Variants in ZPLD1 observed in about 807,000 individuals in gnomAD.
ZPLD1 encodes the protein zona pellucida like domain containing 1, also known as zona pellucida-like domain-containing protein 1.
A neutral mutation model predicts 47.2 loss-of-function variants in ZPLD1; 34 were observed. The observed-to-expected ratio is 0.72, with a 90% CI of 0.55 to 0.96. The LOEUF (loss-of-function observed/expected upper bound fraction) is 0.96. Among genes scored for constraint, ZPLD1 ranks in the 40% least tolerant of loss-of-function variants. The probability of loss-of-function intolerance (pLI) is 0.00; values close to 1 mark genes in which losing one functional copy is unlikely to be tolerated. For synonymous variants in ZPLD1, 176 were observed against 186.2 expected (o/e 0.95, Z 0.45); for missense variants, 512 against 505.8 (o/e 1.01, Z -0.12).
intron 8 of ZPLD1, among the ~76,000 whole-genome samples, chr3:102,467,517 G>A (rs984980056): frequency 6.6e-5 from 10 of 152,062 alleles, no homozygotes; most frequent in Non-Finnish European, 5.9e-5. Context: ...CTGAGAAATA[G>A]ATCCCCAAAC....
At chr3:102,460,597 A>C (rs1370662479) in intron 6 of ZPLD1, among the ~76,000 whole-genome samples, 5 of 151,918 alleles carry the variant, frequency 3.3e-5, no homozygotes, top group Non-Finnish European at 4.4e-5. Flanking sequence ...AGGTTATTAT[A>C]ATTATGAACA....
At chr3:102,396,865 A>G (rs1393097043) in intron 7 of ZPLD1, among the ~76,000 whole-genome samples, 1 of 152,164 alleles carries the variant, frequency 6.6e-6, no homozygotes, top group Non-Finnish European at 1.5e-5. Context: ...GTGGTTAAAA[A>G]TATGTACTCA....
intron 4 of ZPLD1, 86 bp downstream of exon 4, chr3:102,453,225 A>C: frequency 8.3e-7 from 1 of 1,209,664 alleles, no homozygotes; most frequent in South Asian, 1.4e-5. Flanking sequence ...TGCCCAATCT[A>C]TCTCTTGAGA....
intron 3 of ZPLD1, among the ~76,000 whole-genome samples, chr3:102,443,608 A>G (rs1707213015): frequency 6.6e-6 from 1 of 152,178 alleles, no homozygotes; most frequent in South Asian, 2.1e-4. Context: ...TTGACTAAGG[A>G]AATCTTTTAT....
At chr3:102,465,499 A>G (rs1321887785) in intron 8 of ZPLD1, among the ~76,000 whole-genome samples, 2 of 152,130 alleles carry the variant, frequency 1.3e-5, no homozygotes, top group Non-Finnish European at 2.9e-5. Context: ...AACTTCATTT[A>G]TATAACAGAA....
chr3:102,447,409 C>T (rs9841476), intron 3 of ZPLD1, among the ~76,000 whole-genome samples: 8,477 of 152,132 alleles, frequency 0.056, 808 homozygotes, highest in African/African-American at 0.19. Context: ...TCCAGAATTT[C>T]GTTTCATACA....
intron 3 of ZPLD1, among the ~76,000 whole-genome samples, chr3:102,441,205 T>C (rs1431261120): frequency 6.6e-6 from 1 of 152,096 alleles, no homozygotes; most frequent in African/African-American, 2.4e-5. Flanking sequence ...TATATACTTG[T>C]AAAGGTGAAT....
At chr3:102,416,084 C>T (rs1706801067) in intron 7 of ZPLD1, among the ~76,000 whole-genome samples, 2 of 151,900 alleles carry the variant, frequency 1.3e-5, no homozygotes, top group African/African-American at 2.4e-5. Context: ...AGTCACCCAG[C>T]TTGTAAGACA....
chr3:102,474,825 T>C (rs1273473234), intron 10 of ZPLD1, among the ~76,000 whole-genome samples: 1 of 152,182 alleles, frequency 6.6e-6, no homozygotes, highest in African/African-American at 2.4e-5. Context: ...AAGTTTGGTA[T>C]TCCAATCAGT....
chr3:102,418,673 A>T (rs1371985725), intron 8 of ZPLD1, among the ~76,000 whole-genome samples: 1 of 151,974 alleles, frequency 6.6e-6, no homozygotes, highest in African/African-American at 2.4e-5. Context: ...AACAGTGTAT[A>T]TTTTAGATTT....
rs1182705851 is a variant in ZPLD1, at chr3:102,425,263, G to C, written c.-9+7056G>C. On this transcript the variant is annotated intron_variant, in intron 8 of 17. Transcript: ENST00000491959. ...GTGACATCTTTTGTATAAGTCTTTGGGTAGAGACAGTTTTGCCATGATGAA... is the reference window on the plus strand; with the variant it reads ...GTGACATCTTTTGTATAAGTCTTTGCGTAGAGACAGTTTTGCCATGATGAA... 2.0e-5 allele frequency among the ~76,000 whole-genome samples: 3 copies of C among 151,828 alleles called. No individual in the cohort carries two copies. The East Asian group carries it at 5.8e-4, about 29-fold the overall frequency.
chr3:102,428,691 C>T (rs561737679), intron 8 of ZPLD1, among the ~76,000 whole-genome samples: 1 of 150,088 alleles, frequency 6.7e-6, no homozygotes, highest in Non-Finnish European at 1.5e-5. Flanking sequence ...TAAATTTGTT[C>T]AATCTTAGGT....
intron 6 of ZPLD1, among the ~76,000 whole-genome samples, chr3:102,460,429 T>G (rs1199309229): frequency 2.6e-5 from 4 of 152,026 alleles, no homozygotes; most frequent in Non-Finnish European, 5.9e-5. Flanking sequence ...TTTTCATATA[T>G]GCAGATTACC....
intron 10 of ZPLD1, among the ~76,000 whole-genome samples, chr3:102,472,731 A>G (rs1213079943): frequency 1.3e-5 from 2 of 152,340 alleles, no homozygotes; most frequent in Admixed American, 6.5e-5. Flanking sequence ...GTTTGCTATA[A>G]GAAAAGAACT....
intron 8 of ZPLD1, among the ~76,000 whole-genome samples, chr3:102,465,682 T>G (rs895447959): frequency 6.6e-6 from 1 of 152,188 alleles, no homozygotes. Flanking sequence ...AGCTTAGTTC[T>G]GAATCTTTTC....
intron 3 of ZPLD1, among the ~76,000 whole-genome samples, chr3:102,444,740 C>T (rs903432341): frequency 2.6e-5 from 4 of 152,170 alleles, no homozygotes; most frequent in African/African-American, 9.7e-5. Flanking sequence ...TGCCACAAAG[C>T]ACTCTGCAGC....
intron 7 of ZPLD1, among the ~76,000 whole-genome samples, chr3:102,395,409 G>A (rs1341147765): frequency 3.3e-5 from 5 of 152,110 alleles, no homozygotes; most frequent in Admixed American, 1.3e-4. Context: ...GAATCAGAGA[G>A]GATACCTGAT....
rs188650266 is a variant in ZPLD1, at chr3:102,448,212, A to G, written c.107-4707A>G. 5.4e-4 allele frequency among the ~76,000 whole-genome samples: 82 copies of G among 152,248 alleles called. No homozygotes were observed. In the East Asian group the frequency reaches 0.011, roughly 20 times the overall value. The stretch of plus-strand genomic sequence containing the variant: ...GTTTTGGCAATGTAACTGCACATAA[A>G]CTCTGTCTGCAGGCCTGCCATTTGA... On this transcript the variant is annotated intron_variant, in intron 3 of 11. Coordinates refer to ENST00000466937, the MANE Select transcript of ZPLD1 (RefSeq NM_001329788.2).
intron 1 of ZPLD1, among the ~76,000 whole-genome samples, chr3:102,435,527 C>A (rs760935399): frequency 1.3e-5 from 2 of 152,138 alleles, no homozygotes; most frequent in Non-Finnish European, 2.9e-5. Flanking sequence ...GTACGACCTG[C>A]ACATCAATAT....
Sources: gnomAD v4.1 joint callset for allele counts (sites outside exome capture counted in the v4.1 genomes callset) on GRCh38, gnomAD v4.1.1 for gene constraint, MANE v1.5 for transcripts, NCBI Gene and HGNC (gene_info 2026-07-23, HGNC 2026-07-21) for gene names.